Variants in LATS2 observed in about 807,000 individuals in gnomAD.
LATS2 encodes the protein large tumor suppressor kinase 2.
A neutral mutation model predicts 76.0 loss-of-function variants in LATS2; 24 were observed. That is an observed-to-expected ratio of 0.32 (90% CI 0.23 to 0.44). The LOEUF (loss-of-function observed/expected upper bound fraction) is 0.44. Among genes scored for constraint, LATS2 ranks in the 20% least tolerant of loss-of-function variants. The pLI is 1.00. For synonymous variants in LATS2, 692 were observed against 635.4 expected (o/e 1.09, Z -1.34); for missense variants, 1,286 against 1,481.2 (o/e 0.87, Z 2.16).
intron 2 of LATS2, among the ~76,000 whole-genome samples, chr13:21,041,136 C>G (rs2138397158): frequency 6.6e-6 from 1 of 152,262 alleles, no homozygotes; most frequent in Middle Eastern, 3.4e-3. Flanking sequence ...CCATGCCCGG[C>G]TAATTTTTTG....
chr13:20,981,168 G>A (rs1869857178), intron 6 of LATS2, among the ~76,000 whole-genome samples: 1 of 152,144 alleles, frequency 6.6e-6, no homozygotes, highest in South Asian at 2.1e-4. Context: ...CCTCAGAGTG[G>A]TTTCCATCAT....
In LATS2 at chr13:20,973,985, G is replaced by T. The variant is rs998501949; in HGVS notation, c.*885C>A. On this transcript the variant is annotated 3_prime_UTR_variant, in exon 8 of 8. Transcript: ENST00000382592. The stretch of plus-strand genomic sequence containing the variant: ...AATGTTTCAGTTCCCCCCCCCCAAA[G>T]AATCCAATCACAACCAAGACACACA... 1.5e-5 allele frequency: 3 copies of T among 202,200 alleles called. No homozygotes were observed. The highest frequency in any genetic ancestry group is 7.3e-5 in the East Asian group (1 of 13,662). 12.5% of individuals were successfully genotyped at this position (202,200 alleles called of 1,614,324 possible).
In LATS2 at chr13:21,049,872, G is replaced by A. The variant is rs141992182; in HGVS notation, c.-204-3642C>T. ...ACTGTGGCTCATGCCTATAATCCCA[G>A]CTCTTTCGGATGCCGAGGCAGGCAG... On this transcript the variant is annotated intron_variant, in intron 1 of 7. Transcript: ENST00000382592. 4.9e-3 allele frequency among the ~76,000 whole-genome samples: 753 copies of A among 152,226 alleles called. 3 individuals carry two copies. Among genetic ancestry groups the A allele is most frequent in the African/African-American group, 0.017 (724 of 41,538 alleles).
intron 2 of LATS2, among the ~76,000 whole-genome samples, 194 bp downstream of exon 2, chr13:21,045,491 A>G (rs1020478989): frequency 6.6e-6 from 1 of 152,220 alleles, no homozygotes; most frequent in Non-Finnish European, 1.5e-5. Context: ...TCAAAAGACC[A>G]TTTTAGAGAG....
chr13:21,050,012 C>T (rs546811319), intron 1 of LATS2, among the ~76,000 whole-genome samples: 15 of 151,860 alleles, frequency 9.9e-5, no homozygotes, highest in African/African-American at 2.7e-4. Context: ...TCCAGCTACT[C>T]GGAAGGCTGA....
intron 2 of LATS2, among the ~76,000 whole-genome samples, chr13:21,012,850 C>T (rs577735209): frequency 6.6e-6 from 1 of 151,934 alleles, no homozygotes; most frequent in Admixed American, 6.6e-5. Context: ...CAAACTGAGG[C>T]TAAAATAGAT....
At chr13:20,978,633 T>C (rs986026359) in intron 7 of LATS2, among the ~76,000 whole-genome samples, 3 of 152,152 alleles carry the variant, frequency 2.0e-5, no homozygotes, top group Non-Finnish European at 4.4e-5. Flanking sequence ...TCTTCCACCT[T>C]TGCCATCCCT....
At chr13:21,038,348 T>C (rs1165068616) in intron 2 of LATS2, among the ~76,000 whole-genome samples, 1 of 152,032 alleles carries the variant, frequency 6.6e-6, no homozygotes, top group Non-Finnish European at 1.5e-5. Context: ...TATTATATAG[T>C]TTAATATATA....
At chr13:21,056,443 A>T (rs1232333378) in intron 1 of LATS2, among the ~76,000 whole-genome samples, 1 of 152,206 alleles carries the variant, frequency 6.6e-6, no homozygotes, top group Non-Finnish European at 1.5e-5. Flanking sequence ...ACATTATGCA[A>T]ATATAAATGG....
rs1229256167 is a variant in LATS2, at chr13:21,061,386, G to C, written c.-245C>G. The C allele has an allele frequency of 6.6e-6, 1 of 152,342 alleles. No homozygotes were observed. Among genetic ancestry groups the C allele is most frequent in the Admixed American group, 6.5e-5 (1 of 15,276 alleles). 9.4% of individuals were successfully genotyped at this position (152,342 alleles called of 1,614,324 possible). A position where few individuals can be genotyped will look rare whatever the true frequency, so the allele number is the denominator to read the frequency against. On this transcript the variant is annotated 5_prime_UTR_variant, in exon 1 of 8. Coordinates refer to ENST00000382592, the MANE Select transcript of LATS2 (RefSeq NM_014572.3). The stretch of plus-strand genomic sequence containing the variant: ...CTACACCCTCGGGGGCGTCCTGGCC[G>C]GCGGCTCCCGGGCCTCTCGCGCCGG...
chr13:21,050,986 G>A (rs1256891282), intron 1 of LATS2, among the ~76,000 whole-genome samples: 1 of 152,248 alleles, frequency 6.6e-6, no homozygotes, highest in East Asian at 1.9e-4. Context: ...GCGTGAACGG[G>A]ACCTCTGAGG....
chr13:21,010,201 A>AAAACAAACAAACAAACAAAC lies in LATS2; in HGVS notation c.343-18817_343-18798dup, dbSNP rs56383441. Among the ~76,000 whole-genome samples, 8 of 150,610 alleles carry AAAACAAACAAACAAACAAAC rather than the reference A, an allele frequency of 5.3e-5. No homozygotes were observed. In the East Asian group the frequency reaches 5.9e-4, roughly 11 times the overall value. Reference sequence around the variant, plus strand: ...GGCCATGGAGCTAGACTCTGTCAAAAAAACAAACAAACAAACAAACAAAAA... The same window carrying AAAACAAACAAACAAACAAAC: ...GGCCATGGAGCTAGACTCTGTCAAAAAAACAAACAAACAAACAAACAAACAAACAAACAAACAAACAAAAA... On this transcript the variant is annotated intron_variant, in intron 2 of 7. Coordinates refer to ENST00000382592, the MANE Select transcript of LATS2 (RefSeq NM_014572.3).
intron 2 of LATS2, among the ~76,000 whole-genome samples, chr13:21,022,223 C>T (rs943689977): frequency 6.6e-6 from 1 of 151,728 alleles, no homozygotes; most frequent in African/African-American, 2.4e-5. Flanking sequence ...TGAATATGTG[C>T]ATGCATGTGT....
At chr13:21,040,923 C>T (rs1481020084) in intron 2 of LATS2, among the ~76,000 whole-genome samples, 1 of 151,960 alleles carries the variant, frequency 6.6e-6, no homozygotes, top group African/African-American at 2.4e-5. Flanking sequence ...CCCAGAGAGA[C>T]ATTAAACTGA....
At chr13:21,044,667 A>G (rs568980325) in intron 2 of LATS2, among the ~76,000 whole-genome samples, 57 of 150,448 alleles carry the variant, frequency 3.8e-4, no homozygotes, top group African/African-American at 1.3e-3. Context: ...GAGATCATAA[A>G]TGTATGGCTA....
chr13:21,043,049 C>G (rs973187177), intron 2 of LATS2, among the ~76,000 whole-genome samples: 2 of 145,424 alleles, frequency 1.4e-5, no homozygotes, highest in African/African-American at 2.5e-5. Context: ...AATAAGAACT[C>G]TCGGCCAGAC....
chr13:21,019,636 T>C (rs760382408), intron 2 of LATS2, among the ~76,000 whole-genome samples: 4 of 113,872 alleles, frequency 3.5e-5, no homozygotes, highest in Non-Finnish European at 6.8e-5. Context: ...AGCCACCGCA[T>C]CCAGCTGGAT....
At chr13:20,984,098 T>TAA (rs1870036368) in intron 4 of LATS2, among the ~76,000 whole-genome samples, 2 of 152,296 alleles carry the variant, frequency 1.3e-5, no homozygotes, top group South Asian at 4.1e-4. Flanking sequence ...GACACCTGGC[T>TAA]AATTTTTGTA....
At position 21,036,674 on chromosome 13, in the gene LATS2, G is replaced by C. The variant is rs940395344; in HGVS notation, c.342+9011C>G. 7.9e-5 allele frequency among the ~76,000 whole-genome samples: 12 copies of C among 152,120 alleles called. 1 individual carries two copies. Among genetic ancestry groups the C allele is most frequent in the Non-Finnish European group, 2.9e-5 (2 of 68,024 alleles). On this transcript the variant is annotated intron_variant, in intron 2 of 7. Coordinates refer to ENST00000382592, the MANE Select transcript of LATS2 (RefSeq NM_014572.3). ...TGTAATCCCAGCTACTCAAGAGGCT[G>C]AAGCAGGAGAATTGCTTGAACCTGG...
Sources: gnomAD v4.1 joint callset for allele counts (sites outside exome capture counted in the v4.1 genomes callset) on GRCh38, gnomAD v4.1.1 for gene constraint, MANE v1.5 for transcripts, NCBI Gene and HGNC (gene_info 2026-07-23, HGNC 2026-07-21) for gene names.